OTX2: variants seen among roughly 807,000 people sequenced by gnomAD.
The protein encoded by OTX2 is homeobox protein OTX2.
In OTX2, 4 loss-of-function variants were observed where a neutral mutation model predicts 29.0. That is an observed-to-expected ratio of 0.14 (90% CI 0.07 to 0.32). OTX2 has a LOEUF of 0.32. Ranked by LOEUF, OTX2 falls within the 10% of genes least tolerant of loss-of-function variation. The pLI is 1.00. For missense variants in OTX2, 298 were observed against 365.9 expected, an observed-to-expected ratio of 0.81 and a Z score of 1.51; for synonymous variants, 134 against 141.0, an observed-to-expected ratio of 0.95 and a Z score of 0.35.
Position 56,804,305 on chromosome 14 carries a change from C to T in OTX2, c.156G>A (p.Thr52=), listed in dbSNP as rs1435887362. The T allele has an allele frequency of 1.9e-6, 3 of 1,614,126 alleles. No homozygotes were observed. Among genetic ancestry groups the T allele is most frequent in the Non-Finnish European group, 2.5e-6 (3 of 1,180,038 alleles). The change falls in exon 4 of 5, where the codon ACG becomes ACA. Residue 52 remains threonine (T), a synonymous_variant. Coordinates refer to ENST00000672264, the MANE Select transcript of OTX2 (RefSeq NM_021728.4). The surrounding 1 kb of genome is among the most constrained non-coding windows in gnomAD (Gnocchi z 4.1). The part of the protein sequence containing the change: ...TPRKQRRERT[T]FTRAQLDVLE... ...GCACATCTAGCTGCGCCCGAGTGAA[C>T]GTCGTCCTCTCCCGGCGCTGTTTCC...
intron 2 of OTX2, among the ~76,000 whole-genome samples, chr14:56,809,236 C>A (rs1892194034): frequency 6.6e-6 from 1 of 152,200 alleles, no homozygotes; most frequent in Admixed American, 6.5e-5. Flanking sequence ...GCCACTTCTG[C>A]CCGCCCCAGG....
intron 2 of OTX2, 41 bp from the exon 3 acceptor site, chr14:56,805,616 C>G: frequency 1.5e-6 from 1 of 659,594 alleles, no homozygotes; most frequent in South Asian, 1.6e-5. Context: ...GGCTGGTTTA[C>G]TGCTTCGGAG....
chr14:56,801,268 GAA>G lies in OTX2; in HGVS notation c.*465_*466del, dbSNP rs1891864338. Reference sequence around the variant, plus strand: ...TCAGTCACACAATTCACACAGCCCTGAAAAGTTTTTTCAGTGCCAACTACCAG... The same window carrying G: ...TCAGTCACACAATTCACACAGCCCTGAAGTTTTTTCAGTGCCAACTACCAG... On this transcript the variant is annotated 3_prime_UTR_variant, in exon 5 of 5. Transcript: ENST00000672264. The surrounding 1 kb of genome is among the most constrained non-coding windows in gnomAD (Gnocchi z 4.2). 4.5e-6 allele frequency: 1 copy of G among 221,986 alleles called. No homozygotes were observed. The highest frequency in any genetic ancestry group is 2.3e-5 in the African/African-American group (1 of 43,666). The allele number at this position is 221,986 out of a possible 1,614,324, so 13.8% of individuals were successfully genotyped here.
chr14:56,805,452 A>T lies in OTX2; in HGVS notation c.5T>A (p.Met2Lys), dbSNP rs1412709573. MMSYLKQPPYAV... is the reference protein window; with the variant it reads MKSYLKQPPYAV... ...GTAAGGCGGTTGCTTAAGATAAGAC[A>T]TCATGCTAAGGTTGTTTGGAGGTGC... is the stretch of plus-strand genomic sequence containing the variant. Residue 2 changes from methionine to lysine, a missense_variant, in exon 3 of 5, where the codon ATG (methionine) becomes AAG (lysine). This residue lies in a region of OTX2 where 50 missense variants were observed against 57.6 expected (regional missense o/e 0.87). Transcript: ENST00000672264. 6.2e-7 allele frequency: 1 copy of T among 1,611,790 alleles called. No homozygotes were observed. The highest frequency in any genetic ancestry group is 8.5e-7 in the Non-Finnish European group (1 of 1,178,028).
rs989148543 is a variant in OTX2 at position 56,809,620 on chromosome 14, G to A, written c.-120+539C>T. Among the ~76,000 whole-genome samples the A allele has an allele frequency of 2.6e-5, 4 of 152,088 alleles. No individual in the cohort carries two copies. In the East Asian group the frequency reaches 7.8e-4, roughly 30 times the overall value. On this transcript the variant is annotated intron_variant, in intron 2 of 4. Transcript: ENST00000672264. ...GACAGGGGCTCGAGCGGCGGCCCCC[G>A]GCCCAGGCCGACCCGCAAGCGAACC...
At chr14:56,809,694 T>C (rs1269087157) in intron 2 of OTX2, among the ~76,000 whole-genome samples, 2 of 152,220 alleles carry the variant, frequency 1.3e-5, no homozygotes, top group East Asian at 3.9e-4. Context: ...TTTATTATTG[T>C]TGTTTCAATC....
chr14:56,801,126 GCA>G lies in OTX2; in HGVS notation c.*607_*608del, dbSNP rs1176602266. The G allele has an allele frequency of 1.2e-5, 2 of 165,864 alleles. No individual in the cohort carries two copies. The highest frequency in any genetic ancestry group is 4.8e-5 in the African/African-American group (2 of 41,512). 10.3% of individuals were successfully genotyped at this position (165,864 alleles called of 1,614,324 possible). A position where few individuals can be genotyped will look rare whatever the true frequency, so the allele number is the denominator to read the frequency against. On this transcript the variant is annotated 3_prime_UTR_variant, in exon 5 of 5. Coordinates refer to ENST00000672264, the MANE Select transcript of OTX2 (RefSeq NM_021728.4). This position sits in a 1 kb window ranked among gnomAD's most constrained non-coding sequence, Gnocchi z 4.2. ...CAGGAGATCACAGTTTTGAAGTCTA[GCA>G]CAGATTAAAAACCACAGATGTACCA...
intron 2 of OTX2, among the ~76,000 whole-genome samples, chr14:56,807,501 C>G (rs189778713): frequency 1.3e-5 from 2 of 152,248 alleles, no homozygotes; most frequent in Admixed American, 1.3e-4. Context: ...AAATGCCTGA[C>G]ACATCATACA....
Position 56,805,346 on chromosome 14 carries a change from C to G in OTX2, c.97+14G>C. 1 of 1,571,128 alleles carries G rather than the reference C, an allele frequency of 6.4e-7. No homozygotes were observed. The highest frequency in any genetic ancestry group is 1.1e-5 in the South Asian group (1 of 90,162). On this transcript the variant is annotated intron_variant, in intron 3 of 4. Transcript: ENST00000672264. The stretch of plus-strand genomic sequence containing the variant: ...GGGGAAGAGGGGTGCGGGAGTGCAG[C>G]AGGGCTCACTTACCCGGGTAGCCCA...
chr14:56,807,803 G>C (rs1892139190), intron 2 of OTX2, among the ~76,000 whole-genome samples: 1 of 152,336 alleles, frequency 6.6e-6, no homozygotes, highest in Admixed American at 6.5e-5. Flanking sequence ...GTCCAGAACG[G>C]GGAAAAGAAA....
At chr14:56,805,617 T>C (rs1386513381) in intron 2 of OTX2, 42 bp from the exon 3 acceptor site, 2 of 656,578 alleles carry the variant, frequency 3.0e-6, no homozygotes, top group East Asian at 2.8e-5. Flanking sequence ...GCTGGTTTAC[T>C]GCTTCGGAGG....
Position 56,800,769 on chromosome 14 carries a change from T to C in OTX2, c.*966A>G, listed in dbSNP as rs57390094. ...GCCAAATCCAGGAAGAAAAGGTTTATGCATATATAACTTTTCCATTTAACA... is the reference window on the plus strand; with the variant it reads ...GCCAAATCCAGGAAGAAAAGGTTTACGCATATATAACTTTTCCATTTAACA... On this transcript the variant is annotated 3_prime_UTR_variant, in exon 5 of 5. Transcript: ENST00000672264. 1.0e-4 allele frequency: 16 copies of C among 152,764 alleles called. No individual in the cohort carries two copies. The East Asian group carries it at 2.7e-3, about 26-fold the overall frequency. The allele number at this position is 152,764 out of a possible 1,614,324, so 9.5% of individuals were successfully genotyped here.
chr14:56,808,055 G>T (rs936296259), intron 2 of OTX2, among the ~76,000 whole-genome samples: 5 of 151,328 alleles, frequency 3.3e-5, no homozygotes, highest in African/African-American at 7.3e-5. Context: ...CGCGCCCCCC[G>T]CGCAGCCTTA....
rs1258358560 is a variant in OTX2 at position 56,804,460 on chromosome 14, GC to G, written c.98-98del. The G allele has an allele frequency of 4.2e-5, 51 of 1,204,496 alleles. No homozygotes were observed. The Admixed American group carries it at 1.2e-3, about 29-fold the overall frequency. 74.6% of individuals were successfully genotyped at this position (1,204,496 alleles called of 1,614,324 possible). On this transcript the variant is annotated intron_variant, in intron 3 of 4. Coordinates refer to ENST00000672264, the MANE Select transcript of OTX2 (RefSeq NM_021728.4). This position sits in a 1 kb window ranked among gnomAD's most constrained non-coding sequence, Gnocchi z 4.1. Reference sequence around the variant, plus strand: ...CCGCAGCAGTCCCCCGTTCCTCACAGCCCTTCAGCCGGGAGCCTACCAATGC... The same window carrying G: ...CCGCAGCAGTCCCCCGTTCCTCACAGCCTTCAGCCGGGAGCCTACCAATGC...
At chr14:56,808,135 G>T (rs1892155098) in intron 2 of OTX2, among the ~76,000 whole-genome samples, 1 of 151,464 alleles carries the variant, frequency 6.6e-6, no homozygotes. Context: ...TTTCTTCCAA[G>T]AAGCCCATCT....
chr14:56,802,487 T>A lies in OTX2; in HGVS notation c.274-132A>T. The A allele has an allele frequency of 1.0e-6, 1 of 1,004,142 alleles. No individual in the cohort carries two copies. The highest frequency in any genetic ancestry group is 1.6e-6 in the Non-Finnish European group (1 of 640,642). The allele number at this position is 1,004,142 out of a possible 1,614,324, so 62.2% of individuals were successfully genotyped here. On this transcript the variant is annotated intron_variant, in intron 4 of 4. Transcript: ENST00000672264. The surrounding 1 kb of genome is among the most constrained non-coding windows in gnomAD (Gnocchi z 4.4). ...ACAATTTCCCCTGCCACTGAAGACC[T>A]ATTATGTGGTACTCTCATATAAACT...
At chr14:56,806,923 C>T (rs1356218149) in intron 2 of OTX2, among the ~76,000 whole-genome samples, 2 of 152,092 alleles carry the variant, frequency 1.3e-5, no homozygotes, top group African/African-American at 4.8e-5. Context: ...GAAACTTTGA[C>T]ACCATGAGAG....
At chr14:56,803,325 C>A (rs1891959547) in intron 4 of OTX2, among the ~76,000 whole-genome samples, 1 of 152,216 alleles carries the variant, frequency 6.6e-6, no homozygotes, top group South Asian at 2.1e-4. Flanking sequence ...TCAAGACCAC[C>A]AACCATTTGG....
In OTX2 at chr14:56,801,852, G is replaced by C; in HGVS notation, c.777C>G (p.Asn259Lys). ...QGYGASSLGF[N>K]STTDCLDYKD... ...TATAATCCAAGCAATCAGTGGTTGAGTTAAAACCCAAGCTTGAAGCTCCAT... is the reference window on the plus strand; with the variant it reads ...TATAATCCAAGCAATCAGTGGTTGACTTAAAACCCAAGCTTGAAGCTCCAT... Residue 259 changes from asparagine (N) to lysine (K), a missense_variant, in exon 5 of 5, where the codon AAC becomes AAG. This residue lies in a region of OTX2 where 219 missense variants were observed against 223.5 expected (regional missense o/e 0.98). Transcript: ENST00000672264. The surrounding 1 kb of genome is among the most constrained non-coding windows in gnomAD (Gnocchi z 4.2). 6.2e-7 allele frequency: 1 copy of C among 1,614,204 alleles called. No homozygotes were observed. The highest frequency in any genetic ancestry group is 8.5e-7 in the Non-Finnish European group (1 of 1,180,044).
Sources: gnomAD v4.1 joint callset for allele counts (sites outside exome capture counted in the v4.1 genomes callset) on GRCh38, gnomAD v4.1.1 for gene constraint, gnomAD v4.1.1 regional missense constraint, Gnocchi (gnomAD v3.1) non-coding constraint, MANE v1.5 for transcripts, NCBI Gene and HGNC (gene_info 2026-07-23, HGNC 2026-07-21) for gene names.